The following STIL variants were observed in gnomAD, a reference collection of about 807,000 sequenced individuals.
STIL encodes SCL-interrupting locus protein.
STIL carries 55 observed loss-of-function variants against 110.1 expected under a neutral mutation model. That is an observed-to-expected ratio of 0.50 (90% CI 0.40 to 0.63). The LOEUF is 0.63. Among genes scored for constraint, STIL ranks in the 20% least tolerant of loss-of-function variants. The pLI is 0.00. For missense variants in STIL, 1,358 were observed against 1,530.0 expected (o/e 0.89, Z 1.87); for synonymous variants, 481 against 530.0 (o/e 0.91, Z 1.27).
chr1:47,262,812 CTCAA>C (rs1211074218), intron 15 of STIL, 87 bp downstream of exon 15: 30 of 1,192,074 alleles, frequency 2.5e-5, no homozygotes, highest in Non-Finnish European at 3.5e-5. Context: ...ATCTTAAGGT[CTCAA>C]TCAGTTTAAA....
intron 10 of STIL, among the ~76,000 whole-genome samples, chr1:47,285,598 C>T (rs1645273986): frequency 6.6e-6 from 1 of 152,008 alleles, no homozygotes; most frequent in African/African-American, 2.4e-5. Context: ...GCTGGGATTA[C>T]AGGCATGCAC....
chr1:47,270,585 T>G (rs1644806272), intron 13 of STIL, among the ~76,000 whole-genome samples: 1 of 151,138 alleles, frequency 6.6e-6, no homozygotes, highest in Non-Finnish European at 1.5e-5. Flanking sequence ...ATGCAATATT[T>G]AAAAGACTAC....
rs1228404812 is a variant in STIL at position 47,251,804 on chromosome 1, C to T, written c.3199G>A (p.Ala1067Thr). The stretch of plus-strand genomic sequence containing the variant: ...TCATTTAAATATTTCAGAGCTATAG[C>T]ATTTGCCTCCATGCTCAAATCCACA... Reference protein sequence around the residue: ...NGVDLSMEANAIALKYLNENQ... With the variant: ...NGVDLSMEANTIALKYLNENQ... Residue 1067 changes from alanine to threonine, a missense_variant, in exon 17 of 17, where the codon GCT (alanine) becomes ACT (threonine). Coordinates refer to ENST00000371877, the MANE Select transcript of STIL (RefSeq NM_001048166.1). The T allele has an allele frequency of 1.2e-6, 2 of 1,610,446 alleles. No homozygotes were observed. The highest frequency in any genetic ancestry group is 3.4e-5 in the Admixed American group (2 of 59,598).
intron 12 of STIL, among the ~76,000 whole-genome samples, chr1:47,276,443 C>T (rs961830552): frequency 6.6e-6 from 1 of 151,868 alleles, no homozygotes; most frequent in Non-Finnish European, 1.5e-5. Context: ...TGATAAAGGA[C>T]CAATTTCCTT....
rs1382271162 is a variant in STIL, at chr1:47,272,184, C to T, written c.2275G>A (p.Val759Ile). ...LMPCSPKTTA[V>I]EDTVQAGRQM... ...CTTCCAGCTTGCACTGTGTCTTCAACAGCAGTTGTCTTAGGGGAACAGGGC... is the reference window on the plus strand; with the variant it reads ...CTTCCAGCTTGCACTGTGTCTTCAATAGCAGTTGTCTTAGGGGAACAGGGC... The change falls in exon 13 of 17, where the codon GTT (valine) becomes ATT (isoleucine). Residue 759 changes from valine (V) to isoleucine (I), a missense_variant. Physicochemically the swap from Val to Ile is conservative, Grantham distance 29. Transcript: ENST00000371877. The T allele has an allele frequency of 6.2e-7, 1 of 1,614,026 alleles. No individual in the cohort carries two copies. The highest frequency in any genetic ancestry group is 1.3e-5 in the African/African-American group (1 of 74,928).
chr1:47,268,612 G>A (rs762548165), intron 14 of STIL, among the ~76,000 whole-genome samples: 1 of 151,712 alleles, frequency 6.6e-6, no homozygotes, highest in Non-Finnish European at 1.5e-5. Context: ...AACAAAATTA[G>A]CCCAGCATGG....
At chr1:47,282,798 A>C (rs2148992859) in intron 10 of STIL, 1 of 266,074 alleles carries the variant, frequency 3.8e-6, no homozygotes, top group Middle Eastern at 1.3e-3. Flanking sequence ...AAAAATTTAT[A>C]ATCTAGTATT....
chr1:47,300,327 G>C (rs1322270040), intron 5 of STIL, among the ~76,000 whole-genome samples, 175 bp from the exon 6 acceptor site: 1 of 152,000 alleles, frequency 6.6e-6, no homozygotes, highest in Non-Finnish European at 1.5e-5. Flanking sequence ...AAGATTATGT[G>C]AATAATTATA....
chr1:47,289,597 A>C lies in STIL; in HGVS notation c.873-12T>G. 6.2e-7 allele frequency: 1 copy of C among 1,609,000 alleles called. No homozygotes were observed. Among genetic ancestry groups the C allele is most frequent in the Non-Finnish European group, 8.5e-7 (1 of 1,175,552 alleles). ...ATTCTGAAAAAACCCTGCACAAAAA[A>C]AGTCATTTAATTAAAATTTAATGAG... is the stretch of plus-strand genomic sequence containing the variant. On this transcript the variant is annotated splice_polypyrimidine_tract_variant and intron_variant, in intron 8 of 16. Coordinates refer to ENST00000371877, the MANE Select transcript of STIL (RefSeq NM_001048166.1).
intron 3 of STIL, among the ~76,000 whole-genome samples, chr1:47,304,624 AAC>A (rs1184283275): frequency 6.6e-6 from 1 of 152,234 alleles, no homozygotes; most frequent in Non-Finnish European, 1.5e-5. Context: ...CATAATAAAA[AAC>A]ACTTTCAGTT....
At chr1:47,252,979 G>A (rs1005481329) in intron 16 of STIL, among the ~76,000 whole-genome samples, 8 of 151,834 alleles carry the variant, frequency 5.3e-5, no homozygotes, top group African/African-American at 1.9e-4. Flanking sequence ...CTAGAGTACA[G>A]TGGCAACTGC....
At chr1:47,306,085 T>C (rs1645954129) in intron 2 of STIL, among the ~76,000 whole-genome samples, 1 of 152,258 alleles carries the variant, frequency 6.6e-6, no homozygotes, top group Non-Finnish European at 1.5e-5. Flanking sequence ...ACCAGGAGAA[T>C]AGGCACTCAA....
chr1:47,299,807 T>A, intron 6 of STIL, 98 bp downstream of exon 6: 4 of 1,263,646 alleles, frequency 3.2e-6, no homozygotes, highest in Non-Finnish European at 4.5e-6. Flanking sequence ...ACCATATCTC[T>A]GGCATATAAA....
rs1378418107 is a variant in STIL, at chr1:47,262,900, T to C, written c.2829+3A>G. On this transcript the variant is annotated splice_donor_region_variant and intron_variant, in intron 15 of 16. Coordinates refer to ENST00000371877, the MANE Select transcript of STIL (RefSeq NM_001048166.1). Reference sequence around the variant, plus strand: ...AAAGATGAAATGCTCTACATTTTCTTACCAATAAATCCTGGTAAATTTTCT... The same window carrying C: ...AAAGATGAAATGCTCTACATTTTCTCACCAATAAATCCTGGTAAATTTTCT... 6.2e-6 allele frequency: 10 copies of C among 1,613,496 alleles called. No homozygotes were observed. Among genetic ancestry groups the C allele is most frequent in the Non-Finnish European group, 8.5e-6 (10 of 1,179,528 alleles).
intron 16 of STIL, among the ~76,000 whole-genome samples, chr1:47,259,690 T>C (rs1644430110): frequency 6.6e-6 from 1 of 152,168 alleles, no homozygotes; most frequent in Admixed American, 6.5e-5. Context: ...AAACCATGAA[T>C]TTTTATTACT....
At chr1:47,275,237 AT>A (rs1234115397) in intron 12 of STIL, among the ~76,000 whole-genome samples, 1 of 151,802 alleles carries the variant, frequency 6.6e-6, no homozygotes, top group African/African-American at 2.4e-5. Context: ...CAGTCATCTG[AT>A]TTAAAAAAAA....
intron 14 of STIL, among the ~76,000 whole-genome samples, chr1:47,269,182 T>A (rs1644747326): frequency 6.6e-6 from 1 of 152,078 alleles, no homozygotes; most frequent in Non-Finnish European, 1.5e-5. Flanking sequence ...ATTTTTGAAG[T>A]TTTCTTCCGA....
chr1:47,269,764 A>G lies in STIL; in HGVS notation c.2486T>C (p.Val829Ala). Reference sequence around the variant, plus strand: ...ACTTGTGACTTCATTATTAATATCGACAGAAAAATTCATGTCCTCACTGGA... The same window carrying G: ...ACTTGTGACTTCATTATTAATATCGGCAGAAAAATTCATGTCCTCACTGGA... The part of the protein sequence containing the change: ...KISSEDMNFS[V>A]DINNEVTSLP... Residue 829 changes from valine (V) to alanine (A), a missense_variant, in exon 14 of 17, where the codon GTC (valine) becomes GCC (alanine). Transcript: ENST00000371877. 6.2e-7 allele frequency: 1 copy of G among 1,614,130 alleles called. No homozygotes were observed.
intron 12 of STIL, among the ~76,000 whole-genome samples, chr1:47,275,564 C>T (rs533120009): frequency 2.0e-5 from 3 of 151,404 alleles, no homozygotes; most frequent in African/African-American, 7.3e-5. Context: ...GCTGAGATCG[C>T]GCCACTGCAC....
Sources: gnomAD v4.1 joint callset for allele counts (sites outside exome capture counted in the v4.1 genomes callset) on GRCh38, gnomAD v4.1.1 for gene constraint, MANE v1.5 for transcripts, NCBI Gene and HGNC (gene_info 2026-07-23, HGNC 2026-07-21) for gene names.